The following TM6SF2 variants were observed in gnomAD, a reference collection of about 807,000 sequenced individuals.
The protein encoded by TM6SF2 is transmembrane 6 superfamily member 2.
A neutral mutation model predicts 41.0 loss-of-function variants in TM6SF2; 29 were observed. The ratio of observed to expected loss-of-function variants is 0.71; its 90% CI spans 0.53 to 0.96. The LOEUF (loss-of-function observed/expected upper bound fraction) is 0.96. Ranked by LOEUF, TM6SF2 falls within the 50% of genes least tolerant of loss-of-function variation. The pLI is 0.00. For missense variants in TM6SF2, 475 were observed against 499.0 expected (o/e 0.95, Z 0.46); for synonymous variants, 200 against 209.1 (o/e 0.96, Z 0.37).
chr19:19,268,045 C>A lies in TM6SF2; in HGVS notation c.652G>T (p.Asp218Tyr), dbSNP rs1382949717. The part of the protein sequence containing the change: ...QRKGLLQRPA[D>Y]LALVIYLILA... ...ATGAGATATATGACAAGGGCCAGGT[C>A]AGCCGGACGCTGCAGGAGTCCCTTT... is the stretch of plus-strand genomic sequence containing the variant. The change falls in exon 7 of 10, where the codon GAC (aspartate) becomes TAC (tyrosine). Residue 218 changes from aspartate (D) to tyrosine (Y), a missense_variant. Physicochemically the swap from Asp to Tyr is radical, Grantham distance 160 (BLOSUM62 -3). Transcript: ENST00000389363. The A allele has an allele frequency of 8.7e-6, 14 of 1,613,952 alleles. No homozygotes were observed. Among genetic ancestry groups the A allele is most frequent in the African/African-American group, 8.0e-5 (6 of 74,872 alleles).
rs866016264 is a variant in TM6SF2, at chr19:19,269,751, A to G, written c.420T>C (p.Phe140=). The G allele has an allele frequency of 1.2e-5, 20 of 1,614,050 alleles. No homozygotes were observed. Among genetic ancestry groups the G allele is most frequent in the Non-Finnish European group, 1.7e-5 (20 of 1,180,002 alleles). ...CGAAGGAACCCAGCCAGTAGAGTCC[A>G]AAATTCCGGTATCTCTTCCTGAGCA... is the stretch of plus-strand genomic sequence containing the variant. ...AICRRKRYRN[F]GLYWLGSFAM... The change falls in exon 5 of 10, where the codon TTT becomes TTC. Residue 140 remains phenylalanine, a synonymous_variant. Transcript: ENST00000389363.
At chr19:19,269,401 G>A (rs964241634) in intron 5 of TM6SF2, among the ~76,000 whole-genome samples, 3 of 152,160 alleles carry the variant, frequency 2.0e-5, no homozygotes, top group African/African-American at 7.2e-5. Flanking sequence ...CTGTCCCCAA[G>A]ATTCACCCTA....
Position 19,266,628 on chromosome 19 carries a change from AG to A in TM6SF2, c.805-20del. 6.2e-7 allele frequency: 1 copy of A among 1,602,630 alleles called. No homozygotes were observed. The highest frequency in any genetic ancestry group is 8.5e-7 in the Non-Finnish European group (1 of 1,174,442). On this transcript the variant is annotated intron_variant, in intron 8 of 9. Coordinates refer to ENST00000389363, the MANE Select transcript of TM6SF2 (RefSeq NM_001001524.3). ...TCAGCATCTGCAGGGGCGGGAGGAG[AG>A]GGGCACCAGCCTGTGAGATGAGCAG...
chr19:19,268,475 T>C (rs553263601), intron 6 of TM6SF2, among the ~76,000 whole-genome samples, 155 bp downstream of exon 6: 9 of 152,266 alleles, frequency 5.9e-5, no homozygotes, highest in Admixed American at 4.6e-4. Context: ...CCCAAAATGT[T>C]GGGATTACAG....
rs535543205 is a variant in TM6SF2, at chr19:19,265,045, T to G, written c.925-172A>C. The stretch of plus-strand genomic sequence containing the variant: ...TCTCCAGTCCATCTATCTGTTTTTT[T>G]TTTTTTTTTTTTTTGAGACACAGTC... On this transcript the variant is annotated intron_variant, in intron 9 of 9. Coordinates refer to ENST00000389363, the MANE Select transcript of TM6SF2 (RefSeq NM_001001524.3). 1.9e-3 allele frequency among the ~76,000 whole-genome samples: 275 copies of G among 148,034 alleles called. 1 individual carries two copies. Among genetic ancestry groups the G allele is most frequent in the African/African-American group, 6.2e-3 (250 of 40,074 alleles).
chr19:19,265,360 T>TA (rs1555786537), intron 9 of TM6SF2, among the ~76,000 whole-genome samples: 1 of 140,396 alleles, frequency 7.1e-6, no homozygotes, highest in Non-Finnish European at 1.6e-5. Flanking sequence ...TTTTTAAAAT[T>TA]TCTATCTATC....
At position 19,267,921 on chromosome 19, in the gene TM6SF2, G is replaced by A. The variant is rs1055325871; in HGVS notation, c.711+65C>T. 4 of 1,302,748 alleles carry A rather than the reference G, an allele frequency of 3.1e-6. No homozygotes were observed. The Admixed American group carries it at 7.0e-5, about 23-fold the overall frequency. 80.7% of individuals were successfully genotyped at this position (1,302,748 alleles called of 1,614,324 possible). ...TGATCAAACAGGAAGGGCAGTGTGGGAGAGGTGGGTCAGGGAAGGGAGACT... is the reference window on the plus strand; with the variant it reads ...TGATCAAACAGGAAGGGCAGTGTGGAAGAGGTGGGTCAGGGAAGGGAGACT... On this transcript the variant is annotated intron_variant, in intron 7 of 9. Coordinates refer to ENST00000389363, the MANE Select transcript of TM6SF2 (RefSeq NM_001001524.3).
chr19:19,268,180 C>T (rs2061010186), intron 6 of TM6SF2, 93 bp from the exon 7 acceptor site: 119 of 759,918 alleles, frequency 1.6e-4, no homozygotes, highest in South Asian at 6.8e-4. Flanking sequence ...CTCCTCCCTT[C>T]TTTCTTTTTT....
At chr19:19,269,616 G>A (rs1193671728) in intron 5 of TM6SF2, 71 bp downstream of exon 5, 2 of 1,575,840 alleles carry the variant, frequency 1.3e-6, no homozygotes, top group East Asian at 2.2e-5. Flanking sequence ...AGGATCCAAT[G>A]GGGGTGCTTC....
Position 19,273,188 on chromosome 19 carries a change from T to G in TM6SF2, c.28A>C (p.Ile10Leu). The G allele has an allele frequency of 6.8e-7, 1 of 1,460,006 alleles. No homozygotes were observed. The allele number at this position is 1,460,006 out of a possible 1,614,324, so 90.4% of individuals were successfully genotyped here. A position where few individuals can be genotyped will look rare whatever the true frequency, so the allele number is the denominator to read the frequency against. ...AGGGCGCTCAGCGACAGCGCCGCGA[T>G]CTTGCCGGCCAGCGGCGGGATGTCC... MDIPPLAGK[I>L]AALSLSALPV... The change falls in exon 1 of 10, where the codon ATC (isoleucine) becomes CTC (leucine). Residue 10 changes from isoleucine to leucine, a missense_variant. By Grantham distance (5) the Ile-to-Leu change is conservative. Coordinates refer to ENST00000389363, the MANE Select transcript of TM6SF2 (RefSeq NM_001001524.3).
intron 9 of TM6SF2, 35 bp from the exon 10 acceptor site, chr19:19,264,908 C>A (rs1172314889): frequency 1.4e-6 from 2 of 1,461,790 alleles, no homozygotes; most frequent in Non-Finnish European, 9.1e-7. Flanking sequence ...ATGTCAGGGG[C>A]CAGGAAGGAA....
intron 6 of TM6SF2, among the ~76,000 whole-genome samples, chr19:19,268,378 T>A (rs2061011211): frequency 6.6e-6 from 1 of 151,820 alleles, no homozygotes; most frequent in South Asian, 2.1e-4. Flanking sequence ...GCTAATTTTT[T>A]AACTTTTTGT....
chr19:19,270,305 G>A (rs2061018774), intron 3 of TM6SF2, 29 bp from the exon 4 acceptor site: 3 of 1,614,062 alleles, frequency 1.9e-6, no homozygotes, highest in Non-Finnish European at 2.5e-6. Flanking sequence ...GACTCAGACG[G>A]GCAGTGCGGT....
At chr19:19,268,214 T>C in intron 6 of TM6SF2, 127 bp from the exon 7 acceptor site, 1 of 679,998 alleles carries the variant, frequency 1.5e-6, no homozygotes, top group East Asian at 2.9e-5. Flanking sequence ...TTTTCTTTTT[T>C]TTTTTTTTTG....
At chr19:19,267,381 A>AG (rs1240519408) in intron 8 of TM6SF2, among the ~76,000 whole-genome samples, 7 of 101,192 alleles carry the variant, frequency 6.9e-5, no homozygotes, top group African/African-American at 2.3e-4. Context: ...AAAAAAAAAA[A>AG]AAAAGAAAAA....
chr19:19,273,061 T>TTGGCCCCC, intron 1 of TM6SF2, 60 bp downstream of exon 1: 1 of 305,468 alleles, frequency 3.3e-6, no homozygotes, highest in South Asian at 2.9e-5. Context: ...CCTCCAGTCC[T>TTGGCCCCC]CCCCGCCCCC....
At chr19:19,265,792 C>A (rs757245760) in intron 9 of TM6SF2, among the ~76,000 whole-genome samples, 3 of 151,924 alleles carry the variant, frequency 2.0e-5, no homozygotes, top group Non-Finnish European at 2.9e-5. Flanking sequence ...GTCTGTGAGT[C>A]CCCCCCAACT....
rs4503924 is a variant in TM6SF2 at position 19,265,415 on chromosome 19, C to T, written c.925-542G>A. ...CTATCTATCTATCTATCCATCCATC[C>T]ATCTATCTATCTATCTATTTAGAGA... On this transcript the variant is annotated intron_variant, in intron 9 of 9. Transcript: ENST00000389363. 4.0e-4 allele frequency among the ~76,000 whole-genome samples: 39 copies of T among 97,028 alleles called. No individual in the cohort carries two copies. The Middle Eastern group carries it at 0.02, about 50-fold the overall frequency. 63.7% of individuals were successfully genotyped at this position (97,028 alleles called of 152,430 possible).
chr19:19,266,998 T>A (rs1336998932), intron 8 of TM6SF2, among the ~76,000 whole-genome samples: 2 of 152,066 alleles, frequency 1.3e-5, no homozygotes, highest in Non-Finnish European at 2.9e-5. Flanking sequence ...GTGGGGTGCA[T>A]GGAAGCCTGA....
Sources: allele counts gnomAD v4.1 joint callset (sites outside exome capture counted in the v4.1 genomes callset), GRCh38; gene constraint gnomAD v4.1.1; transcripts MANE v1.5; gene names NCBI Gene and HGNC (gene_info 2026-07-23, HGNC 2026-07-21).